The following UTRN variants were observed in gnomAD, a reference collection of about 807,000 sequenced individuals.
UTRN encodes the protein dystrophin-related protein 1.
UTRN carries 283 observed loss-of-function variants against 463.9 expected under a neutral mutation model. The observed-to-expected ratio is 0.61, with a 90% confidence interval of 0.55 to 0.67. The LOEUF (loss-of-function observed/expected upper bound fraction) is 0.67. Ranked by LOEUF, UTRN falls within the 30% of genes least tolerant of loss-of-function variation. The pLI is 0.00. For missense variants in UTRN, 3,922 were observed against 4,084.3 expected, an observed-to-expected ratio of 0.96 and a Z score of 1.08; for synonymous variants, 1,442 against 1,431.5, an observed-to-expected ratio of 1.01 and a Z score of -0.17.
At chr6:144,714,327 G>C (rs1266402321) in intron 53 of UTRN, among the ~76,000 whole-genome samples, 1 of 152,176 alleles carries the variant, frequency 6.6e-6, no homozygotes, top group Non-Finnish European at 1.5e-5. Context: ...CATTCTAGCA[G>C]ATTTGTCTCA....
Position 144,516,267 on chromosome 6 carries a change from C to T in UTRN, c.5283C>T (p.Val1761=). The change falls in exon 38 of 75, where the codon GTC becomes GTT. Residue 1761 remains valine (V), a synonymous_variant. Transcript: ENST00000367545. ...AGGAACCATTATACCAATGTTTGGT[C>T]ACCACTGAAACATTTGAAACTGGTG... ...IAQEPLYQCL[V]TTETFETGVP... 2 of 1,613,672 alleles carry T rather than the reference C, an allele frequency of 1.2e-6. No homozygotes were observed. Among genetic ancestry groups the T allele is most frequent in the Non-Finnish European group, 1.7e-6 (2 of 1,179,910 alleles).
At chr6:144,736,026 G>A (rs189746937) in intron 54 of UTRN, among the ~76,000 whole-genome samples, 221 of 152,218 alleles carry the variant, frequency 1.5e-3, no homozygotes, top group Middle Eastern at 6.8e-3. Flanking sequence ...AAGAAGTCAT[G>A]TCAATTTAAC....
At chr6:144,643,761 C>T (rs1470535005) in intron 51 of UTRN, among the ~76,000 whole-genome samples, 2 of 150,698 alleles carry the variant, frequency 1.3e-5, no homozygotes, top group Admixed American at 1.3e-4. Flanking sequence ...CATGCCATTG[C>T]ACTCCAGCCT....
In UTRN at chr6:144,343,363, AACACACACACAC is replaced by A. The variant is rs3061626; in HGVS notation, c.79+51492_79+51503del. Among the ~76,000 whole-genome samples the A allele has an allele frequency of 6.2e-3, 842 of 135,388 alleles. 9 individuals are homozygous for A. The highest frequency in any genetic ancestry group is 0.016 in the African/African-American group (568 of 35,046). 88.8% of individuals were successfully genotyped at this position (135,388 alleles called of 152,430 possible). ...ACATGGTGAAATCCCGTCTCTACTAAACACACACACACACACACACACACACACACACACACA... is the reference window on the plus strand; with the variant it reads ...ACATGGTGAAATCCCGTCTCTACTAAACACACACACACACACACACACACA... On this transcript the variant is annotated intron_variant, in intron 2 of 74. Coordinates refer to ENST00000367545, the MANE Select transcript of UTRN (RefSeq NM_007124.3).
chr6:144,371,705 G>A (rs1780001695), intron 2 of UTRN, among the ~76,000 whole-genome samples: 1 of 152,204 alleles, frequency 6.6e-6, no homozygotes, highest in African/African-American at 2.4e-5. Flanking sequence ...ACTGCGCCTG[G>A]CCGCAGATTA....
At chr6:144,549,108 A>C (rs1022316465) in intron 47 of UTRN, among the ~76,000 whole-genome samples, 1 of 152,256 alleles carries the variant, frequency 6.6e-6, no homozygotes, top group Non-Finnish European at 1.5e-5. Flanking sequence ...CTGATACCGT[A>C]AAGCTAGGCA....
intron 6 of UTRN, among the ~76,000 whole-genome samples, chr6:144,425,978 A>G (rs555280319): frequency 4.6e-5 from 7 of 152,350 alleles, no homozygotes; most frequent in African/African-American, 1.7e-4. Flanking sequence ...GTTAAATATG[A>G]CTTTCTATGA....
At chr6:144,788,549 AG>A (rs1329503558) in intron 61 of UTRN, among the ~76,000 whole-genome samples, 2 of 151,244 alleles carry the variant, frequency 1.3e-5, no homozygotes. Context: ...ATTAACGTAT[AG>A]GTTTAATTCA....
intron 51 of UTRN, among the ~76,000 whole-genome samples, chr6:144,644,897 T>C (rs1397315718): frequency 6.6e-6 from 1 of 152,198 alleles, no homozygotes; most frequent in Non-Finnish European, 1.5e-5. Flanking sequence ...CCAGATAAGC[T>C]GCTTGCACAA....
chr6:144,773,100 C>G (rs560048073), intron 59 of UTRN, among the ~76,000 whole-genome samples: 17 of 152,120 alleles, frequency 1.1e-4, no homozygotes, highest in African/African-American at 3.9e-4. Context: ...TTTCTTTTAA[C>G]TCTACTAATC....
chr6:144,345,087 G>A (rs1341815047), intron 2 of UTRN, among the ~76,000 whole-genome samples: 1 of 152,072 alleles, frequency 6.6e-6, no homozygotes, highest in Non-Finnish European at 1.5e-5. Context: ...CTTTGAGACT[G>A]GTTGGTTTTC....
intron 53 of UTRN, among the ~76,000 whole-genome samples, chr6:144,724,288 G>A (rs1211378153): frequency 1.4e-5 from 2 of 145,176 alleles, no homozygotes; most frequent in Admixed American, 7.0e-5. Flanking sequence ...GAGTGCAGTG[G>A]CGCAATCTCA....
intron 2 of UTRN, among the ~76,000 whole-genome samples, chr6:144,356,329 T>G (rs1420940787): frequency 6.6e-6 from 1 of 152,194 alleles, no homozygotes; most frequent in Non-Finnish European, 1.5e-5. Flanking sequence ...GTGTCAGTCC[T>G]ATTAACTGAC....
chr6:144,745,208 A>AGTGG (rs1790579305), intron 54 of UTRN, among the ~76,000 whole-genome samples: 1 of 152,082 alleles, frequency 6.6e-6, no homozygotes, highest in African/African-American at 2.4e-5. Context: ...AGAAAATCTC[A>AGTGG]AGTAACATTT....
At chr6:144,345,481 T>G (rs1220457286) in intron 2 of UTRN, among the ~76,000 whole-genome samples, 3 of 151,910 alleles carry the variant, frequency 2.0e-5, no homozygotes, top group Non-Finnish European at 4.4e-5. Context: ...TCGAGACCAC[T>G]CTGGGCAACA....
chr6:144,597,699 C>CG (rs776148636), intron 51 of UTRN, among the ~76,000 whole-genome samples: 5 of 152,134 alleles, frequency 3.3e-5, no homozygotes, highest in Non-Finnish European at 7.4e-5. Context: ...TGGTCTTTAT[C>CG]TATGAAAGAA....
intron 58 of UTRN, among the ~76,000 whole-genome samples, chr6:144,769,484 G>A (rs1421800728): frequency 3.3e-5 from 5 of 152,114 alleles, no homozygotes; most frequent in African/African-American, 1.2e-4. Flanking sequence ...TGTGTGTTCC[G>A]TCAGCTCTCA....
intron 2 of UTRN, among the ~76,000 whole-genome samples, chr6:144,328,839 AG>A (rs1776147966): frequency 6.6e-6 from 1 of 151,972 alleles, no homozygotes; most frequent in Non-Finnish European, 1.5e-5. Flanking sequence ...CCTGGAGTGC[AG>A]TGGTGCGATC....
intron 54 of UTRN, among the ~76,000 whole-genome samples, chr6:144,732,243 T>TAC (rs1423682997): frequency 7.9e-5 from 8 of 100,966 alleles, no homozygotes; most frequent in African/African-American, 4.0e-4. Flanking sequence ...TATATACATA[T>TAC]ATATATATAT....
Sources: allele counts gnomAD v4.1 joint callset (sites outside exome capture counted in the v4.1 genomes callset), GRCh38; gene constraint gnomAD v4.1.1; transcripts MANE v1.5; gene names NCBI Gene and HGNC (gene_info 2026-07-23, HGNC 2026-07-21).